RARB: variants seen among roughly 807,000 people sequenced by gnomAD.
RARB encodes HBV-activated protein.
Under a neutral mutation model 51.9 loss-of-function variants are expected in RARB, and 17 were observed. The observed-to-expected ratio is 0.33, with a 90% CI of 0.22 to 0.49. The LOEUF (loss-of-function observed/expected upper bound fraction) is 0.49. RARB is among the 20% of genes least tolerant of loss of function. RARB has a pLI of 0.99. For missense variants in RARB, 369 were observed against 550.8 expected (o/e 0.67, Z 3.30); for synonymous variants, 215 against 195.4 (o/e 1.10, Z -0.84).
intron 2 of RARB, among the ~76,000 whole-genome samples, chr3:24,862,673 A>G (rs1180185638): frequency 6.6e-6 from 1 of 152,200 alleles, no homozygotes; most frequent in African/African-American, 2.4e-5. Context: ...TAGGGTTTAT[A>G]TATCTACAGT....
intron 2 of RARB, among the ~76,000 whole-genome samples, chr3:24,987,481 G>T (rs982851064): frequency 6.6e-6 from 1 of 152,212 alleles, no homozygotes; most frequent in Non-Finnish European, 1.5e-5. Context: ...ACACTGCAAA[G>T]GGAGGTTAGA....
Position 25,418,766 on chromosome 3 carries a change from G to C in RARB, c.179-42427G>C, listed in dbSNP as rs527248272. Among the ~76,000 whole-genome samples the C allele has an allele frequency of 5.0e-3, 764 of 152,162 alleles. 4 individuals are homozygous for C. The highest frequency in any genetic ancestry group is 0.018 in the African/African-American group (739 of 41,534). On this transcript the variant is annotated intron_variant, in intron 5 of 11. Transcript: ENST00000383772. Reference sequence around the variant, plus strand: ...GGGTCAGTGGATGGAAAATCCCTAAGAGAAAACATCAAGCATAAGGAATTT... The same window carrying C: ...GGGTCAGTGGATGGAAAATCCCTAACAGAAAACATCAAGCATAAGGAATTT...
At chr3:25,480,768 T>C (rs562539246) in intron 2 of RARB, among the ~76,000 whole-genome samples, 1 of 152,244 alleles carries the variant, frequency 6.6e-6, no homozygotes, top group South Asian at 2.1e-4. Context: ...AAGTAAATAA[T>C]GCAGGCTGAT....
chr3:24,958,879 C>T (rs1476259496), intron 2 of RARB, among the ~76,000 whole-genome samples: 1 of 152,170 alleles, frequency 6.6e-6, no homozygotes, highest in Non-Finnish European at 1.5e-5. Flanking sequence ...TTCCCTGACT[C>T]CTTCATGGGC....
intron 2 of RARB, chr3:25,020,382 C>T (rs1697608272): frequency 6.6e-6 from 1 of 151,990 alleles, no homozygotes; most frequent in Admixed American, 6.6e-5. Flanking sequence ...TGCACTACAG[C>T]CCAGGGCTCC....
intron 1 of RARB, among the ~76,000 whole-genome samples, chr3:25,457,227 C>T (rs1320707495): frequency 6.6e-6 from 1 of 151,854 alleles, no homozygotes; most frequent in African/African-American, 2.4e-5. Flanking sequence ...AGTTTGGAAC[C>T]CACTGTATTA....
chr3:25,049,363 G>GC (rs1361270610), intron 2 of RARB, among the ~76,000 whole-genome samples: 1 of 152,194 alleles, frequency 6.6e-6, no homozygotes, highest in Non-Finnish European at 1.5e-5. Context: ...TCAAAAGTTT[G>GC]CCAAGTATCG....
intron 4 of RARB, among the ~76,000 whole-genome samples, chr3:25,150,015 G>A (rs983907717): frequency 5.9e-5 from 9 of 151,860 alleles, no homozygotes; most frequent in Admixed American, 1.3e-4. Flanking sequence ...CAACATGACC[G>A]ATATGGTGAA....
intron 2 of RARB, among the ~76,000 whole-genome samples, chr3:25,019,359 T>TAGCATGGAGGGA (rs1475426322): frequency 6.6e-6 from 1 of 151,934 alleles, no homozygotes; most frequent in East Asian, 1.9e-4. Context: ...GATAGAGGTG[T>TAGCATGGAGGGA]GATATGATAG....
chr3:24,901,435 C>T (rs572630970), intron 2 of RARB, among the ~76,000 whole-genome samples: 2 of 152,232 alleles, frequency 1.3e-5, no homozygotes, highest in South Asian at 2.1e-4. Context: ...GAGACAGGAC[C>T]TCACTATGTA....
rs2125550016 is a variant in RARB at position 25,457,134 on chromosome 3, G to T, written c.158-4059G>T. On this transcript the variant is annotated intron_variant, in intron 1 of 7. Transcript: ENST00000330688. ...ATGGCAATTCCTAGCTCCATTCTCA[G>T]ACATTCTGGCATAATAGATCTGGGA... 2.0e-5 allele frequency among the ~76,000 whole-genome samples: 3 copies of T among 152,030 alleles called. No homozygotes were observed. The South Asian group carries it at 6.2e-4, about 32-fold the overall frequency.
intron 2 of RARB, among the ~76,000 whole-genome samples, chr3:24,899,325 A>G (rs1250299432): frequency 6.6e-6 from 1 of 152,186 alleles, no homozygotes; most frequent in East Asian, 1.9e-4. Flanking sequence ...TCTGTGGCGT[A>G]TTCACAGGCT....
intron 2 of RARB, among the ~76,000 whole-genome samples, chr3:25,499,518 A>G (rs1464498516): frequency 6.6e-6 from 1 of 151,500 alleles, no homozygotes; most frequent in Non-Finnish European, 1.5e-5. Flanking sequence ...GGGGAAGACA[A>G]AGAGGAAGTT....
chr3:25,585,284 G>A (rs139805173), intron 5 of RARB, among the ~76,000 whole-genome samples: 1 of 152,270 alleles, frequency 6.6e-6, no homozygotes, highest in Non-Finnish European at 1.5e-5. Flanking sequence ...GCCCTCAGGG[G>A]TCCTGTTATT....
intron 2 of RARB, among the ~76,000 whole-genome samples, chr3:24,923,615 T>C (rs1695262091): frequency 6.6e-6 from 1 of 152,146 alleles, no homozygotes; most frequent in Non-Finnish European, 1.5e-5. Context: ...TCAGTGGACT[T>C]AGCACTAACC....
chr3:25,590,750 C>G (rs1392074424), intron 5 of RARB, among the ~76,000 whole-genome samples: 1 of 152,208 alleles, frequency 6.6e-6, no homozygotes, highest in Non-Finnish European at 1.5e-5. Flanking sequence ...GAGTTCCTGA[C>G]TGCAGATGAT....
chr3:25,033,845 A>C, intron 2 of RARB, among the ~76,000 whole-genome samples: 1 of 152,242 alleles, frequency 6.6e-6, no homozygotes, highest in Non-Finnish European at 1.5e-5. Context: ...TAAATCTCCT[A>C]GCTTACATTA....
At chr3:25,119,178 C>T (rs902273835) in intron 3 of RARB, among the ~76,000 whole-genome samples, 1 of 152,096 alleles carries the variant, frequency 6.6e-6, no homozygotes, top group African/African-American at 2.4e-5. Flanking sequence ...TGATATCTTG[C>T]TTAGTAGATT....
intron 5 of RARB, among the ~76,000 whole-genome samples, chr3:25,348,102 A>T (rs1315592604): frequency 6.6e-6 from 1 of 152,158 alleles, no homozygotes; most frequent in African/African-American, 2.4e-5. Flanking sequence ...TTCATGGGCT[A>T]ATACACCACA....
Sources: gnomAD v4.1 joint callset for allele counts (sites outside exome capture counted in the v4.1 genomes callset) on GRCh38, gnomAD v4.1.1 for gene constraint, MANE v1.5 for transcripts, NCBI Gene and HGNC (gene_info 2026-07-23, HGNC 2026-07-21) for gene names.